Variants in ZNF536 observed in about 807,000 individuals in gnomAD.
The protein encoded by ZNF536 is zinc finger protein 536.
ZNF536 carries 13 observed loss-of-function variants against 84.5 expected under a neutral mutation model. That is an observed-to-expected ratio of 0.15 (90% confidence interval 0.10 to 0.24). The LOEUF (loss-of-function observed/expected upper bound fraction) is 0.24. ZNF536 is among the 10% of genes least tolerant of loss of function. ZNF536 has a pLI of 1.00. For missense variants in ZNF536, 1,536 were observed against 1,747.5 expected, an observed-to-expected ratio of 0.88 and a Z score of 2.16; for synonymous variants, 811 against 742.5, an observed-to-expected ratio of 1.09 and a Z score of -1.50.
At chr19:30,545,542 C>T (rs2045516623) in intron 3 of ZNF536, among the ~76,000 whole-genome samples, 1 of 151,782 alleles carries the variant, frequency 6.6e-6, no homozygotes, top group Non-Finnish European at 1.5e-5. Context: ...GGACTACAGG[C>T]ACCCACCACC....
At chr19:30,635,174 A>G (rs2049023969) in intron 1 of ZNF536, among the ~76,000 whole-genome samples, 1 of 152,084 alleles carries the variant, frequency 6.6e-6, no homozygotes, top group African/African-American at 2.4e-5. Flanking sequence ...TGGTTTGCCA[A>G]ACGTTCAGGC....
At chr19:30,611,453 G>T (rs2048103245) in intron 1 of ZNF536, among the ~76,000 whole-genome samples, 1 of 152,140 alleles carries the variant, frequency 6.6e-6, no homozygotes, top group South Asian at 2.1e-4. Context: ...GATAAAGACA[G>T]AAATAAAAGG....
intron 1 of ZNF536, among the ~76,000 whole-genome samples, chr19:30,586,613 G>A (rs2047105476): frequency 2.0e-5 from 3 of 152,124 alleles, no homozygotes; most frequent in Admixed American, 6.5e-5. Flanking sequence ...CTCCTGGCCA[G>A]CCAACTTCTA....
At chr19:30,376,947 G>C (rs960175797) in intron 1 of ZNF536, among the ~76,000 whole-genome samples, 6 of 152,322 alleles carry the variant, frequency 3.9e-5, no homozygotes, top group African/African-American at 1.4e-4. Context: ...TGGCCAACAG[G>C]TGTTTGCAGG....
In ZNF536 at chr19:30,557,225, T is replaced by C. The variant is rs1599795845; in HGVS notation, c.*61T>C. The C allele has an allele frequency of 6.3e-7, 1 of 1,582,182 alleles. No individual in the cohort carries two copies. On this transcript the variant is annotated 3_prime_UTR_variant, in exon 5 of 5. Transcript: ENST00000355537. ...CTTGTCTGTTCGTGGTCCTCGGTGG[T>C]TATCTGCAGCTTGTTAATCGTGTAA...
intron 2 of ZNF536, among the ~76,000 whole-genome samples, chr19:30,479,450 G>A (rs12608523): frequency 1.3e-5 from 2 of 152,088 alleles, no homozygotes; most frequent in Admixed American, 1.3e-4. Flanking sequence ...TTCCAGCAAC[G>A]ACCCTAGGTC....
chr19:30,404,016 CCT>C (rs2050159296), intron 1 of ZNF536, among the ~76,000 whole-genome samples: 1 of 146,508 alleles, frequency 6.8e-6, no homozygotes, highest in Non-Finnish European at 1.5e-5. Context: ...CCTTTCCTTT[CCT>C]CTTTTTTTTT....
intron 4 of ZNF536, among the ~76,000 whole-genome samples, chr19:30,551,626 C>T (rs904313954): frequency 4.6e-5 from 7 of 152,212 alleles, no homozygotes; most frequent in African/African-American, 1.7e-4. Context: ...AGCTTGAAGG[C>T]TTCCTGGTTG....
At chr19:30,267,864 GTA>G (rs1050329564) in intron 1 of ZNF536, among the ~76,000 whole-genome samples, 12 of 151,708 alleles carry the variant, frequency 7.9e-5, no homozygotes, top group African/African-American at 1.9e-4. Context: ...AATTGAGTGT[GTA>G]TGTGTGTGTG....
intron 2 of ZNF536, among the ~76,000 whole-genome samples, chr19:30,514,997 C>G (rs1451852235): frequency 1.3e-5 from 2 of 152,056 alleles, no homozygotes; most frequent in Admixed American, 1.3e-4. Flanking sequence ...CCTGTAATCC[C>G]AGCACTTTGG....
At chr19:30,281,615 C>T (rs1600055967) in intron 1 of ZNF536, among the ~76,000 whole-genome samples, 1 of 152,190 alleles carries the variant, frequency 6.6e-6, no homozygotes. Flanking sequence ...AGTGAACAGG[C>T]CTCCTAAGCT....
intron 4 of ZNF536, 67 bp from the exon 5 acceptor site, chr19:30,557,090 T>G (rs2045992882): frequency 6.4e-7 from 1 of 1,572,144 alleles, no homozygotes; most frequent in Admixed American, 1.7e-5. Context: ...GCCCTGCCCT[T>G]GCTTTCAAAT....
intron 2 of ZNF536, among the ~76,000 whole-genome samples, chr19:30,520,259 A>G (rs1180997118): frequency 1.3e-5 from 2 of 152,076 alleles, no homozygotes; most frequent in Admixed American, 6.5e-5. Context: ...TTCTTTTTCA[A>G]TATCAGGGCA....
chr19:30,389,166 G>C (rs973039446), intron 1 of ZNF536, among the ~76,000 whole-genome samples: 5 of 152,192 alleles, frequency 3.3e-5, no homozygotes, highest in East Asian at 3.9e-4. Flanking sequence ...CACGTTCCAC[G>C]TGCCTCCACG....
chr19:30,443,017 A>G (rs186001821), intron 1 of ZNF536, among the ~76,000 whole-genome samples: 1 of 149,732 alleles, frequency 6.7e-6, no homozygotes, highest in African/African-American at 2.5e-5. Flanking sequence ...ACCAGTAAAT[A>G]TCATGCCATT....
intron 1 of ZNF536, among the ~76,000 whole-genome samples, chr19:30,674,522 G>A (rs2050682967): frequency 6.6e-6 from 1 of 152,184 alleles, no homozygotes; most frequent in Non-Finnish European, 1.5e-5. Flanking sequence ...TATTGGGAAG[G>A]GAAGGAAACC....
chr19:30,548,178 C>T lies in ZNF536; in HGVS notation c.2559C>T (p.Gly853=), dbSNP rs559677254. The change falls in exon 4 of 5, where the codon GGC becomes GGT. Residue 853 remains glycine, a synonymous_variant. Coordinates refer to ENST00000355537, the MANE Select transcript of ZNF536 (RefSeq NM_014717.3). ...KGLPGIDFRG[G]PASQQWTSGV... is the part of the protein sequence containing the mutation. ...TCCCTGGAATCGACTTCAGAGGAGG[C>T]CCTGCATCTCAGCAGTGGACATCAG... The T allele has an allele frequency of 1.2e-6, 2 of 1,614,156 alleles. No individual in the cohort carries two copies. The highest frequency in any genetic ancestry group is 1.7e-6 in the Non-Finnish European group (2 of 1,180,042).
chr19:30,519,593 T>C (rs2044235421), intron 2 of ZNF536, among the ~76,000 whole-genome samples: 1 of 152,192 alleles, frequency 6.6e-6, no homozygotes. Context: ...TGTGGCAGCC[T>C]GTCCACTCAC....
At chr19:30,649,069 C>T (rs2049593544) in intron 1 of ZNF536, among the ~76,000 whole-genome samples, 1 of 152,150 alleles carries the variant, frequency 6.6e-6, no homozygotes, top group African/African-American at 2.4e-5. Context: ...CCAGGATCAA[C>T]CCTGGGTCTT....
Sources: allele counts gnomAD v4.1 joint callset (sites outside exome capture counted in the v4.1 genomes callset), GRCh38; gene constraint gnomAD v4.1.1; transcripts MANE v1.5; gene names NCBI Gene and HGNC (gene_info 2026-07-23, HGNC 2026-07-21).